Variants in XKR4 observed in about 807,000 individuals in gnomAD.
XKR4 encodes the protein XK related 4.
Under a neutral mutation model 53.9 loss-of-function variants are expected in XKR4, and 12 were observed. The ratio of observed to expected loss-of-function variants is 0.22; its 90% CI spans 0.14 to 0.36. The LOEUF (loss-of-function observed/expected upper bound fraction) is 0.36, where lower values mean the gene tolerates loss of function less well. Among genes scored for constraint, XKR4 ranks in the 10% least tolerant of loss-of-function variants. The pLI is 1.00. For missense variants in XKR4, 799 were observed against 859.5 expected, an observed-to-expected ratio of 0.93 and a Z score of 0.88; for synonymous variants, 354 against 362.4, an observed-to-expected ratio of 0.98 and a Z score of 0.26.
At chr8:55,227,878 G>A (rs1368313079) in intron 1 of XKR4, among the ~76,000 whole-genome samples, 1 of 152,186 alleles carries the variant, frequency 6.6e-6, no homozygotes, top group Non-Finnish European at 1.5e-5. Flanking sequence ...TTGGTTCTCT[G>A]TATGCCACAT....
rs997203170 is a variant in XKR4 at position 55,346,968 on chromosome 8, A to G, written c.807-10710A>G. ...TTAATGATTTCTTATTCAGCTATGG[A>G]TATATCAGCAGTTAATGTAACACTC... On this transcript the variant is annotated intron_variant, in intron 1 of 2. Coordinates refer to ENST00000327381, the MANE Select transcript of XKR4 (RefSeq NM_052898.2). Among the ~76,000 whole-genome samples the G allele has an allele frequency of 3.3e-5, 5 of 152,322 alleles. No individual in the cohort carries two copies. The East Asian group carries it at 9.6e-4, about 29-fold the overall frequency.
At chr8:55,412,260 T>C (rs1172046387) in intron 2 of XKR4, among the ~76,000 whole-genome samples, 1 of 152,036 alleles carries the variant, frequency 6.6e-6, no homozygotes, top group Non-Finnish European at 1.5e-5. Flanking sequence ...ACTGCGAAAA[T>C]GTGAACTCAT....
chr8:55,176,867 G>A (rs1011110704), intron 1 of XKR4, among the ~76,000 whole-genome samples: 15 of 152,018 alleles, frequency 9.9e-5, no homozygotes, highest in East Asian at 1.9e-4. Context: ...ATCTTACTCC[G>A]TGGCTCATTC....
At chr8:55,450,520 G>T in intron 2 of XKR4, 1 of 654,512 alleles carries the variant, frequency 1.5e-6, no homozygotes, top group Non-Finnish European at 2.9e-6. Context: ...CATAGTCAGA[G>T]TCCAGTAGGA....
Position 55,539,070 on chromosome 8 carries a change from C to T in XKR4, c.*14843C>T, listed in dbSNP as rs548511389. ...GTGTGAAAACAACATCAGAGAATAT[C>T]CTGTACAACTTCCCCAAAAGTGACA... On this transcript the variant is annotated 3_prime_UTR_variant, in exon 3 of 3. Transcript: ENST00000327381. 3.6e-4 allele frequency: 55 copies of T among 152,276 alleles called. No individual in the cohort carries two copies. The highest frequency in any genetic ancestry group is 1.3e-3 in the African/African-American group (52 of 41,566). 9.4% of individuals were successfully genotyped at this position (152,276 alleles called of 1,614,324 possible).
chr8:55,226,811 C>T (rs930089224), intron 1 of XKR4, among the ~76,000 whole-genome samples: 34 of 152,208 alleles, frequency 2.2e-4, no homozygotes, highest in African/African-American at 7.5e-4. Context: ...TTACCACTGA[C>T]AGCAGAGTAT....
At chr8:55,142,230 G>A in intron 1 of XKR4, 1 of 455,680 alleles carries the variant, frequency 2.2e-6, no homozygotes, top group Non-Finnish European at 4.4e-6. Flanking sequence ...TCATGTCATT[G>A]AAACTTGCTC....
At position 55,204,732 on chromosome 8, in the gene XKR4, G is replaced by A. The variant is rs1038117997; in HGVS notation, c.806+101438G>A. Among the ~76,000 whole-genome samples the A allele has an allele frequency of 2.0e-5, 3 of 152,154 alleles. No homozygotes were observed. In the East Asian group the frequency reaches 5.8e-4, roughly 29 times the overall value. ...TTCTTGGAAAGAATATTTTGAGCTG[G>A]AATTTCAAACATATAACTTCTCATC... is the stretch of plus-strand genomic sequence containing the variant. On this transcript the variant is annotated intron_variant, in intron 1 of 2. Coordinates refer to ENST00000327381, the MANE Select transcript of XKR4 (RefSeq NM_052898.2).
rs1816086662 is a variant in XKR4, at chr8:55,103,364, C to T, written c.806+70C>T. On this transcript the variant is annotated intron_variant, in intron 1 of 2. Coordinates refer to ENST00000327381, the MANE Select transcript of XKR4 (RefSeq NM_052898.2). ...ACATCCCCACTGCTTTGCTTTTGCACGGAAATCTTTCAGGGTTGCTTTGGT... is the reference window on the plus strand; with the variant it reads ...ACATCCCCACTGCTTTGCTTTTGCATGGAAATCTTTCAGGGTTGCTTTGGT... 4.6e-6 allele frequency: 7 copies of T among 1,515,918 alleles called. No individual in the cohort carries two copies. In the East Asian group the frequency reaches 6.9e-5, roughly 15 times the overall value. The allele number at this position is 1,515,918 out of a possible 1,614,324, so 93.9% of individuals were successfully genotyped here.
chr8:55,292,255 T>A (rs1819032700), intron 1 of XKR4, among the ~76,000 whole-genome samples: 1 of 152,138 alleles, frequency 6.6e-6, no homozygotes, highest in Non-Finnish European at 1.5e-5. Context: ...TGTTAATTAT[T>A]CAAACCAAGC....
At chr8:55,400,062 T>C (rs2129389783) in intron 2 of XKR4, among the ~76,000 whole-genome samples, 1 of 152,276 alleles carries the variant, frequency 6.6e-6, no homozygotes, top group East Asian at 1.9e-4. Flanking sequence ...TTTGTCTTTC[T>C]CAGCACAGTT....
chr8:55,452,726 A>T lies in XKR4; in HGVS notation c.1007-70555A>T, dbSNP rs543050204. ...TGAAGTGGACCACAGCCCCAGCTACATTGCAGGTCTCTCTGTCCTCAAAGC... is the reference window on the plus strand; with the variant it reads ...TGAAGTGGACCACAGCCCCAGCTACTTTGCAGGTCTCTCTGTCCTCAAAGC... On this transcript the variant is annotated intron_variant, in intron 2 of 2. Coordinates refer to ENST00000327381, the MANE Select transcript of XKR4 (RefSeq NM_052898.2). 101 of 976,722 alleles carry T rather than the reference A, an allele frequency of 1.0e-4. No individual in the cohort carries two copies. The East Asian group carries it at 1.9e-3, about 18-fold the overall frequency. 60.5% of individuals were successfully genotyped at this position (976,722 alleles called of 1,614,324 possible).
chr8:55,338,658 A>G (rs776916482), intron 1 of XKR4, among the ~76,000 whole-genome samples: 2 of 152,218 alleles, frequency 1.3e-5, no homozygotes, highest in African/African-American at 4.8e-5. Context: ...TGCAAAGCCA[A>G]TGACATTGGC....
rs1341221774 is a variant in XKR4 at position 55,532,328 on chromosome 8, T to G, written c.*8101T>G. 1 of 152,142 alleles carries G rather than the reference T, an allele frequency of 6.6e-6. No individual in the cohort carries two copies. Among genetic ancestry groups the G allele is most frequent in the South Asian group, 2.1e-4 (1 of 4,830 alleles). 9.4% of individuals were successfully genotyped at this position (152,142 alleles called of 1,614,324 possible). On this transcript the variant is annotated 3_prime_UTR_variant, in exon 3 of 3. Coordinates refer to ENST00000327381, the MANE Select transcript of XKR4 (RefSeq NM_052898.2). ...ATTTTAGTCATTGGACCAGACAAAA[T>G]GAAGCATATAATTACTGATATAATA...
chr8:55,274,325 C>A (rs906966551), intron 1 of XKR4, among the ~76,000 whole-genome samples: 2 of 152,198 alleles, frequency 1.3e-5, no homozygotes, highest in African/African-American at 4.8e-5. Context: ...AGATTGGTTT[C>A]TCTTGAGGCC....
At chr8:55,458,907 A>G (rs1314964365) in intron 2 of XKR4, among the ~76,000 whole-genome samples, 1 of 152,200 alleles carries the variant, frequency 6.6e-6, no homozygotes, top group African/African-American at 2.4e-5. Context: ...GAAAACAGAA[A>G]TGCACATTCT....
At chr8:55,304,463 T>A (rs991154459) in intron 1 of XKR4, among the ~76,000 whole-genome samples, 2 of 152,202 alleles carry the variant, frequency 1.3e-5, no homozygotes, top group African/African-American at 4.8e-5. Context: ...CTGAGAAGAA[T>A]GTATATTCTG....
intron 1 of XKR4, among the ~76,000 whole-genome samples, chr8:55,173,159 G>A (rs1382683029): frequency 2.6e-5 from 4 of 151,944 alleles, no homozygotes; most frequent in African/African-American, 9.7e-5. Context: ...CAAACACTCA[G>A]CTGATAGGCA....
At chr8:55,402,974 C>T (rs939841025) in intron 2 of XKR4, among the ~76,000 whole-genome samples, 1 of 152,174 alleles carries the variant, frequency 6.6e-6, no homozygotes, top group Non-Finnish European at 1.5e-5. Flanking sequence ...AAATCAGAAT[C>T]AGAAAGGGCC....
Sources: allele counts gnomAD v4.1 joint callset (sites outside exome capture counted in the v4.1 genomes callset), GRCh38; gene constraint gnomAD v4.1.1; transcripts MANE v1.5; gene names NCBI Gene and HGNC (gene_info 2026-07-23, HGNC 2026-07-21).